Variants in FHDC1 observed in about 807,000 individuals in gnomAD.
FHDC1 encodes the protein FH2 domain-containing protein 1.
FHDC1 carries 25 observed loss-of-function variants against 52.6 expected under a neutral mutation model. That is an observed-to-expected ratio of 0.48 (90% confidence interval 0.35 to 0.66). The LOEUF (loss-of-function observed/expected upper bound fraction) is 0.66, where lower values mean the gene tolerates loss of function less well. Ranked by LOEUF, FHDC1 falls within the 30% of genes least tolerant of loss-of-function variation. The pLI is 0.01. For synonymous variants in FHDC1, 616 were observed against 581.5 expected, an observed-to-expected ratio of 1.06 and a Z score of -0.85; for missense variants, 1,459 against 1,452.8, an observed-to-expected ratio of 1.00 and a Z score of -0.07.
chr4:152,923,212 T>C, the FHDC1 span, among the ~76,000 whole-genome samples: 13 of 152,008 alleles, frequency 8.6e-5, no homozygotes, highest in Non-Finnish European at 1.6e-4. Flanking sequence ...TATACACCAA[T>C]AACAGACAAA....
chr4:152,924,686 AATGATGAGTTC>A, the FHDC1 span, among the ~76,000 whole-genome samples: 5 of 152,198 alleles, frequency 3.3e-5, no homozygotes, highest in African/African-American at 4.8e-5. Flanking sequence ...AGCCATAAAA[AATGATGAGTTC>A]ATGTCATTTG....
the FHDC1 span, among the ~76,000 whole-genome samples, chr4:152,918,837 T>C: frequency 6.6e-6 from 1 of 152,264 alleles, no homozygotes; most frequent in Admixed American, 6.5e-5. Flanking sequence ...TCACTGGTAC[T>C]ATCAAGTAGA....
In FHDC1 at chr4:152,968,022, T is replaced by C. The variant is rs758622104; in HGVS notation, c.1143T>C (p.Phe381=). ...ENTEAELHLL[F]VRTKSLKENI... ...CGGAGGCAGAACTGCACTTGCTGTT[T>C]GTCAGGACAAAATCACTAAAAGAAA... Residue 381 remains phenylalanine (F), a synonymous_variant, in exon 10 of 12, where the codon TTT becomes TTC. Coordinates refer to ENST00000511601, the MANE Select transcript of FHDC1 (RefSeq NM_001371116.1). 2.0e-5 allele frequency: 32 copies of C among 1,613,950 alleles called. 1 individual carries two copies. The South Asian group carries it at 3.3e-4, about 17-fold the overall frequency.
In FHDC1 at chr4:152,953,675, C is replaced by T. The variant is rs377441894; in HGVS notation, c.560+115C>T. ...CTCACACCTTCAAATCCTTCTTAGA[C>T]GCATGGCTTGATGAGCCTGCAAGTG... is the stretch of plus-strand genomic sequence containing the variant. On this transcript the variant is annotated intron_variant, in intron 3 of 11. Coordinates refer to ENST00000511601, the MANE Select transcript of FHDC1 (RefSeq NM_001371116.1). The T allele has an allele frequency of 5.5e-4, 475 of 870,860 alleles. 1 individual carries two copies. Among genetic ancestry groups the T allele is most frequent in the Non-Finnish European group, 7.7e-4 (420 of 542,306 alleles). The allele number at this position is 870,860 out of a possible 1,614,324, so 53.9% of individuals were successfully genotyped here.
At chr4:152,927,354 C>T in the FHDC1 span, 53 of 715,592 alleles carry the variant, frequency 7.4e-5, no homozygotes, top group Non-Finnish European at 1.2e-4. Context: ...TTGTGGTTGC[C>T]AATTGTGAAC....
chr4:152,917,683 G>GA, the FHDC1 span, among the ~76,000 whole-genome samples: 10 of 151,066 alleles, frequency 6.6e-5, no homozygotes, highest in Non-Finnish European at 1.5e-4. Context: ...AAGTGAGTTA[G>GA]AAAAAAAAAA....
Position 152,943,284 on chromosome 4 carries a change from C to T in FHDC1, c.227C>T (p.Pro76Leu), listed in dbSNP as rs753681688. 3.0e-5 allele frequency: 48 copies of T among 1,611,514 alleles called. No individual in the cohort carries two copies. The highest frequency in any genetic ancestry group is 3.9e-5 in the Non-Finnish European group (46 of 1,178,918). The change falls in exon 2 of 12, where the codon CCA (proline) becomes CTA (leucine). Residue 76 changes from proline (P) to leucine (L), a missense_variant. This residue lies in a region of FHDC1 where 513 missense variants were observed against 581.5 expected (regional missense o/e 0.88). Coordinates refer to ENST00000511601, the MANE Select transcript of FHDC1 (RefSeq NM_001371116.1). ...GGGGAGCCTCCCATCCCACCTCCCC[C>T]ACCAGGCCTACCCCCAACTACTCAC... ...LPGEPPIPPPPPGLPPTTHMN... is the reference protein window; with the variant it reads ...LPGEPPIPPPLPGLPPTTHMN...
intron 10 of FHDC1, among the ~76,000 whole-genome samples, chr4:152,971,629 A>T (rs1352992887): frequency 6.6e-6 from 1 of 152,232 alleles, no homozygotes; most frequent in African/African-American, 2.4e-5. Flanking sequence ...TATTTGTCCT[A>T]GAAGAATTAG....
chr4:152,948,692 G>A (rs1319943454), intron 2 of FHDC1, among the ~76,000 whole-genome samples: 2 of 152,126 alleles, frequency 1.3e-5, no homozygotes, highest in Admixed American at 6.5e-5. Flanking sequence ...CTGACCTCAC[G>A]TGATTTGCCC....
upstream of FHDC1, among the ~76,000 whole-genome samples, chr4:152,931,440 A>C (rs1739250627): frequency 7.4e-6 from 1 of 135,416 alleles, no homozygotes; most frequent in Non-Finnish European, 1.6e-5. Flanking sequence ...CTCCTCTTCC[A>C]TCTCCAGCCT....
In FHDC1 at chr4:152,966,464, C is replaced by G. The variant is rs562720082; in HGVS notation, c.1100+1489C>G. On this transcript the variant is annotated intron_variant, in intron 9 of 11. Transcript: ENST00000511601. ...AAACCATCATTCACATTCTGCCTAT[C>G]TTTTGTTTTTTTTGAGATAGAGCCT... 6.6e-5 allele frequency among the ~76,000 whole-genome samples: 10 copies of G among 152,194 alleles called. No homozygotes were observed. The South Asian group carries it at 1.5e-3, about 22-fold the overall frequency.
In FHDC1 at chr4:152,975,715, G is replaced by A; in HGVS notation, c.2424G>A (p.Met808Ile). 6.2e-7 allele frequency: 1 copy of A among 1,603,080 alleles called. No individual in the cohort carries two copies. Among genetic ancestry groups the A allele is most frequent in the Non-Finnish European group, 8.5e-7 (1 of 1,172,910 alleles). ...AAGGCGGGGAAGGGGATGGCTCCAT[G>A]TCCTCTGGGGTTGGAGAAATGGGGG... ...PEEGGEGDGS[M>I]SSGVGEMGDS... The change falls in exon 12 of 12, where the codon ATG (methionine) becomes ATA (isoleucine). Residue 808 changes from methionine (M) to isoleucine (I), a missense_variant. Physicochemically the swap from Met to Ile is conservative, Grantham distance 10. This residue lies in a region of FHDC1 where 939 missense variants were observed against 854.5 expected (regional missense o/e 1.10). Coordinates refer to ENST00000511601, the MANE Select transcript of FHDC1 (RefSeq NM_001371116.1).
chr4:152,962,333 C>A (rs542657125), intron 6 of FHDC1, among the ~76,000 whole-genome samples: 1 of 152,130 alleles, frequency 6.6e-6, no homozygotes, highest in Non-Finnish European at 1.5e-5. Context: ...CATGTTCTCC[C>A]AGCTTGTTTA....
In FHDC1 at chr4:152,975,449, A is replaced by G; in HGVS notation, c.2158A>G (p.Ser720Gly). The change falls in exon 12 of 12, where the codon AGC becomes GGC. Residue 720 changes from serine (S) to glycine (G), a missense_variant. This residue lies in a region of FHDC1 where 939 missense variants were observed against 854.5 expected (regional missense o/e 1.10). Coordinates refer to ENST00000511601, the MANE Select transcript of FHDC1 (RefSeq NM_001371116.1). ...GHRGPQSLSASSSSLTPMGRD... is the reference protein window; with the variant it reads ...GHRGPQSLSAGSSSLTPMGRD... ...TAGGGGCCCGCAGTCCCTCAGTGCC[A>G]GCAGCAGCAGCCTGACACCCATGGG... is the stretch of plus-strand genomic sequence containing the variant. 1 of 1,613,016 alleles carries G rather than the reference A, an allele frequency of 6.2e-7. No individual in the cohort carries two copies. Among genetic ancestry groups the G allele is most frequent in the Non-Finnish European group, 8.5e-7 (1 of 1,179,882 alleles).
chr4:152,915,046 A>G, the FHDC1 span, among the ~76,000 whole-genome samples: 2 of 152,194 alleles, frequency 1.3e-5, no homozygotes, highest in Non-Finnish European at 2.9e-5. Context: ...CTTTACTGTT[A>G]TTCTCCTCCT....
At chr4:152,921,588 C>T in the FHDC1 span, among the ~76,000 whole-genome samples, 22,861 of 111,746 alleles carry the variant, frequency 0.2, 1,964 homozygotes, top group Admixed American at 0.26. Flanking sequence ...CTTCCTTCCT[C>T]CCTCCCTCCC....
At chr4:152,960,939 T>C in intron 6 of FHDC1, 95 bp downstream of exon 6, 3 of 819,468 alleles carry the variant, frequency 3.7e-6, no homozygotes, top group Non-Finnish European at 5.6e-6. Flanking sequence ...TGGAAAGTCC[T>C]GAATTTCTGA....
At chr4:152,938,484 A>G (rs1739470064) in intron 1 of FHDC1, among the ~76,000 whole-genome samples, 1 of 152,186 alleles carries the variant, frequency 6.6e-6, no homozygotes, top group Non-Finnish European at 1.5e-5. Context: ...CTTTTGAAAG[A>G]TAAGTGGTGG....
rs1216383327 is a variant in FHDC1 at position 152,976,103 on chromosome 4, G to A, written c.2812G>A (p.Val938Met). 6.2e-7 allele frequency: 1 copy of A among 1,610,502 alleles called. No individual in the cohort carries two copies. The highest frequency in any genetic ancestry group is 1.1e-5 in the South Asian group (1 of 90,692). Residue 938 changes from valine (V) to methionine (M), a missense_variant, in exon 12 of 12, where the codon GTG becomes ATG. Coordinates refer to ENST00000511601, the MANE Select transcript of FHDC1 (RefSeq NM_001371116.1). Reference protein sequence around the residue: ...SQNPPSSTDTVWSRQNSVRRA... With the variant: ...SQNPPSSTDTMWSRQNSVRRA... ...GAATCCCCCCAGCAGCACAGATACT[G>A]TGTGGTCACGCCAGAACTCCGTGCG... is the stretch of plus-strand genomic sequence containing the variant.
Sources: allele counts gnomAD v4.1 joint callset (sites outside exome capture counted in the v4.1 genomes callset), GRCh38; gene constraint gnomAD v4.1.1; regional missense constraint gnomAD v4.1.1; transcripts MANE v1.5; gene names NCBI Gene and HGNC (gene_info 2026-07-23, HGNC 2026-07-21).